Variants in JAG1 observed in about 807,000 individuals in gnomAD.
The protein encoded by JAG1 is protein jagged-1.
A neutral mutation model predicts 148.7 loss-of-function variants in JAG1; 23 were observed. The ratio of observed to expected loss-of-function variants is 0.15; its 90% CI spans 0.11 to 0.22. The LOEUF is 0.22. Ranked by LOEUF, JAG1 falls within the 10% of genes least tolerant of loss-of-function variation. The pLI, the probability that JAG1 is intolerant of heterozygous loss-of-function variation, is 1.00. For synonymous variants in JAG1, 572 were observed against 598.3 expected, an observed-to-expected ratio of 0.96 and a Z score of 0.64; for missense variants, 1,054 against 1,611.2, an observed-to-expected ratio of 0.65 and a Z score of 5.92.
Position 10,658,779 on chromosome 20 carries a change from C to A in JAG1, c.440-57G>T, listed in dbSNP as rs1251069227. On this transcript the variant is annotated intron_variant, in intron 3 of 25. Coordinates refer to ENST00000254958, the MANE Select transcript of JAG1 (RefSeq NM_000214.3). The stretch of plus-strand genomic sequence containing the variant: ...TCACATTGCAGCCTTCTTCCCTGAC[C>A]ATTTTGGCTTTTTAAAATAAAAACA... 5 of 1,599,828 alleles carry A rather than the reference C, an allele frequency of 3.1e-6. No individual in the cohort carries two copies. In the African/African-American group the frequency reaches 4.0e-5, roughly 13 times the overall value.
At chr20:10,649,665 A>G (rs1296279586) in intron 9 of JAG1, 30 bp from the exon 10 acceptor site, 1 of 1,343,192 alleles carries the variant, frequency 7.4e-7, no homozygotes, top group South Asian at 1.2e-5. Context: ...AGCATGAGAA[A>G]TGAAGTTCAA....
intron 5 of JAG1, among the ~76,000 whole-genome samples, chr20:10,655,876 CA>C (rs1417303364): frequency 1.3e-5 from 2 of 152,194 alleles, no homozygotes; most frequent in Non-Finnish European, 2.9e-5. Flanking sequence ...CAAAAGTCTA[CA>C]TTCATCAGGC....
rs1267680221 is a variant in JAG1 at position 10,673,402 on chromosome 20, G to A, written c.81+48C>T. ...GGCTCAACCGCCCAGGGCGCCGCGA[G>A]GGGAGGGAGAGGACGGCTGGGAGGG... On this transcript the variant is annotated intron_variant, in intron 1 of 25. Transcript: ENST00000254958. The surrounding 1 kb of genome is among the most constrained non-coding windows in gnomAD (Gnocchi z 4.7). 2 of 1,326,870 alleles carry A rather than the reference G, an allele frequency of 1.5e-6. No homozygotes were observed. Among genetic ancestry groups the A allele is most frequent in the Non-Finnish European group, 2.0e-6 (2 of 994,820 alleles). 82.2% of individuals were successfully genotyped at this position (1,326,870 alleles called of 1,614,324 possible).
chr20:10,650,465 G>A, intron 8 of JAG1, 105 bp from the exon 9 acceptor site: 1 of 726,068 alleles, frequency 1.4e-6, no homozygotes, highest in Non-Finnish European at 2.5e-6. Context: ...TGAAGAGCCA[G>A]ACACCTGCTA....
chr20:10,656,698 G>C (rs2067381692), intron 4 of JAG1, among the ~76,000 whole-genome samples: 1 of 152,138 alleles, frequency 6.6e-6, no homozygotes, highest in Admixed American at 6.5e-5. Flanking sequence ...ATGCAGACAA[G>C]TTGACGAGGG....
chr20:10,666,063 G>T (rs990878854), intron 2 of JAG1, among the ~76,000 whole-genome samples: 22 of 152,116 alleles, frequency 1.4e-4, no homozygotes, highest in African/African-American at 5.1e-4. Context: ...CAGGGTGAGG[G>T]CAGGGAGCTA....
chr20:10,645,055 G>A lies in JAG1; in HGVS notation c.2228-76C>T. On this transcript the variant is annotated intron_variant, in intron 17 of 25. Coordinates refer to ENST00000254958, the MANE Select transcript of JAG1 (RefSeq NM_000214.3). The surrounding 1 kb of genome is among the most constrained non-coding windows in gnomAD (Gnocchi z 6.1). ...TCTGGAGGGGCAAGAACCAGGCCCA[G>A]AGAAATATCATAAGCTCCAGGGGCC... 6.6e-7 allele frequency: 1 copy of A among 1,521,066 alleles called. No individual in the cohort carries two copies. The highest frequency in any genetic ancestry group is 1.1e-5 in the South Asian group (1 of 89,232). The allele number at this position is 1,521,066 out of a possible 1,614,324, so 94.2% of individuals were successfully genotyped here. A position where few individuals can be genotyped will look rare whatever the true frequency, so the allele number is the denominator to read the frequency against.
chr20:10,661,280 G>A (rs1213286245), intron 3 of JAG1, among the ~76,000 whole-genome samples: 2 of 152,104 alleles, frequency 1.3e-5, no homozygotes, highest in African/African-American at 4.8e-5. Flanking sequence ...AAAACTCAGG[G>A]CTCTGCCTTT....
chr20:10,663,728 T>C (rs192612215), intron 3 of JAG1, among the ~76,000 whole-genome samples: 1 of 152,244 alleles, frequency 6.6e-6, no homozygotes, highest in Non-Finnish European at 1.5e-5. Flanking sequence ...GGTTTCATAA[T>C]CAGGGAATGA....
chr20:10,646,258 TC>T, intron 14 of JAG1, 174 bp from the exon 15 acceptor site: 1 of 648,594 alleles, frequency 1.5e-6, no homozygotes, highest in African/African-American at 1.8e-5. Context: ...AGCAGAAGCT[TC>T]CAGAGAGTGC....
chr20:10,648,322 G>A (rs1359587368), intron 12 of JAG1, among the ~76,000 whole-genome samples: 3 of 152,066 alleles, frequency 2.0e-5, no homozygotes, highest in Non-Finnish European at 4.4e-5. Context: ...CACAAGAGGG[G>A]GTGGAGGGAA....
At position 10,654,534 on chromosome 20, in the gene JAG1, G is replaced by C. The variant is rs1011519406; in HGVS notation, c.755+1864C>G. 6.9e-4 allele frequency among the ~76,000 whole-genome samples: 104 copies of C among 151,372 alleles called. 1 individual carries two copies. The highest frequency in any genetic ancestry group is 2.4e-3 in the African/African-American group (101 of 41,410). On this transcript the variant is annotated intron_variant, in intron 5 of 25. Transcript: ENST00000254958. ...AACCAGTAAATTTTCTCATGTGGGG[G>C]TGAAAAAAAAAATAACCTGTGTAAT...
intron 3 of JAG1, among the ~76,000 whole-genome samples, chr20:10,663,497 G>A (rs1320790793): frequency 6.6e-6 from 1 of 152,204 alleles, no homozygotes; most frequent in African/African-American, 2.4e-5. Flanking sequence ...AGCAGTGTGG[G>A]AAACCCGGAG....
intron 8 of JAG1, 27 bp downstream of exon 8, chr20:10,651,554 T>C: frequency 6.8e-7 from 1 of 1,480,952 alleles, no homozygotes; most frequent in Non-Finnish European, 9.4e-7. Flanking sequence ...ATCCTTAGAA[T>C]GGACACAGGC....
chr20:10,658,243 T>C (rs1332187894), intron 4 of JAG1, among the ~76,000 whole-genome samples: 1 of 152,140 alleles, frequency 6.6e-6, no homozygotes, highest in Non-Finnish European at 1.5e-5. Flanking sequence ...CTGTGAGCTG[T>C]TGGCAGCCAA....
chr20:10,640,033 A>C (rs1409788909), intron 25 of JAG1, 78 bp from the exon 26 acceptor site: 1 of 1,158,090 alleles, frequency 8.6e-7, no homozygotes, highest in African/African-American at 1.5e-5. Context: ...AAAGAATACC[A>C]ACAGTGGTTC....
intron 12 of JAG1, 63 bp downstream of exon 12, chr20:10,648,486 A>G: frequency 2.2e-6 from 3 of 1,339,278 alleles, no homozygotes; most frequent in Non-Finnish European, 3.2e-6. Flanking sequence ...AAGTAAAGGG[A>G]AGCGGAGGAG....
At chr20:10,648,223 T>C in intron 12 of JAG1, 113 bp from the exon 13 acceptor site, 2 of 1,234,244 alleles carry the variant, frequency 1.6e-6, no homozygotes, top group Non-Finnish European at 1.2e-6. Flanking sequence ...TCGGTTTCTA[T>C]TAGGAGACAC....
At chr20:10,664,625 C>A (rs758421643) in intron 2 of JAG1, among the ~76,000 whole-genome samples, 7 of 152,108 alleles carry the variant, frequency 4.6e-5, no homozygotes, top group Non-Finnish European at 1.0e-4. Flanking sequence ...AGTGACTCTG[C>A]AAGACAAAGA....
Sources: allele counts gnomAD v4.1 joint callset (sites outside exome capture counted in the v4.1 genomes callset), GRCh38; gene constraint gnomAD v4.1.1; non-coding constraint Gnocchi (gnomAD v3.1); transcripts MANE v1.5; gene names NCBI Gene and HGNC (gene_info 2026-07-23, HGNC 2026-07-21).